FHIP1A: variants seen among roughly 807,000 people sequenced by gnomAD.
The protein encoded by FHIP1A is FHF complex subunit HOOK interacting protein 1A.
In FHIP1A, 61 loss-of-function variants were observed where a neutral mutation model predicts 88.6. The ratio of observed to expected loss-of-function variants is 0.69; its 90% confidence interval spans 0.56 to 0.85. FHIP1A has a LOEUF of 0.85. Among genes scored for constraint, FHIP1A ranks in the 40% least tolerant of loss-of-function variants. FHIP1A has a pLI of 0.00. For missense variants in FHIP1A, 1,154 were observed against 1,273.5 expected (o/e 0.91, Z 1.43); for synonymous variants, 478 against 496.0 (o/e 0.96, Z 0.48).
intron 2 of FHIP1A, among the ~76,000 whole-genome samples, chr4:151,475,995 G>C (rs534871381): frequency 6.6e-6 from 1 of 151,576 alleles, no homozygotes; most frequent in Non-Finnish European, 1.5e-5. Flanking sequence ...CTGAGTAGCC[G>C]GGACTACAGG....
intron 6 of FHIP1A, 47 bp downstream of exon 6, chr4:151,586,846 G>GAA: frequency 1.5e-6 from 2 of 1,357,862 alleles, no homozygotes; most frequent in Non-Finnish European, 2.0e-6. Context: ...TTCATTCAGA[G>GAA]CACAAGCACT....
chr4:151,634,205 TAACTG>T (rs931163531), intron 8 of FHIP1A, among the ~76,000 whole-genome samples: 33 of 151,884 alleles, frequency 2.2e-4, no homozygotes, highest in African/African-American at 7.9e-4. Context: ...GGAATAAACT[TAACTG>T]AGGAGGTGAA....
intron 1 of FHIP1A, among the ~76,000 whole-genome samples, chr4:151,444,834 A>G (rs1197728393): frequency 6.6e-6 from 1 of 152,228 alleles, no homozygotes; most frequent in Non-Finnish European, 1.5e-5. Context: ...TCTTTTTAAA[A>G]GAGGATTACA....
At chr4:151,509,004 G>A (rs1031817718) in intron 3 of FHIP1A, among the ~76,000 whole-genome samples, 1 of 152,124 alleles carries the variant, frequency 6.6e-6, no homozygotes, top group African/African-American at 2.4e-5. Context: ...TCTTTGAGCA[G>A]GTGTCAGACA....
intron 7 of FHIP1A, among the ~76,000 whole-genome samples, chr4:151,593,659 G>A (rs1734529794): frequency 2.0e-5 from 3 of 152,068 alleles, no homozygotes; most frequent in Admixed American, 2.0e-4. Flanking sequence ...GGAGATTTTT[G>A]GCTGAGATGA....
At chr4:151,477,724 A>G (rs984238393) in intron 2 of FHIP1A, among the ~76,000 whole-genome samples, 1 of 152,188 alleles carries the variant, frequency 6.6e-6, no homozygotes, top group Non-Finnish European at 1.5e-5. Flanking sequence ...GCTTTTAAAC[A>G]TATGGAAAGA....
chr4:151,489,480 G>A (rs1235439568), intron 3 of FHIP1A, among the ~76,000 whole-genome samples: 1 of 152,126 alleles, frequency 6.6e-6, no homozygotes, highest in African/African-American at 2.4e-5. Flanking sequence ...CAGGAAGCGC[G>A]GATAGGAGTG....
At chr4:151,431,567 T>C (rs1733593944) in intron 1 of FHIP1A, among the ~76,000 whole-genome samples, 1 of 152,144 alleles carries the variant, frequency 6.6e-6, no homozygotes, top group Admixed American at 6.5e-5. Flanking sequence ...AGTGCCACTT[T>C]GGGAAATTAT....
intron 3 of FHIP1A, among the ~76,000 whole-genome samples, chr4:151,563,933 C>T (rs2126767764): frequency 6.6e-6 from 1 of 151,968 alleles, no homozygotes; most frequent in Middle Eastern, 3.4e-3. Context: ...TTCAAGGCTG[C>T]AGTGAGCTAT....
chr4:151,640,799 A>G (rs1416433325), intron 9 of FHIP1A, among the ~76,000 whole-genome samples: 10 of 152,168 alleles, frequency 6.6e-5, no homozygotes, highest in Non-Finnish European at 4.4e-5. Flanking sequence ...AGTGGCCTTT[A>G]GAAGGTGAGT....
chr4:151,630,052 G>A (rs1056346514), intron 8 of FHIP1A, among the ~76,000 whole-genome samples, 183 bp downstream of exon 8: 3 of 151,776 alleles, frequency 2.0e-5, no homozygotes, highest in Admixed American at 1.3e-4. Context: ...ATGGAATAAT[G>A]CGTTTTGTTC....
intron 2 of FHIP1A, among the ~76,000 whole-genome samples, chr4:151,471,557 A>G (rs1052517842): frequency 1.2e-4 from 18 of 152,100 alleles, no homozygotes; most frequent in African/African-American, 3.9e-4. Context: ...CTTTTTAGAA[A>G]TGTTTGTTAG....
At position 151,450,107 on chromosome 4, in the gene FHIP1A, T is replaced by G. The variant is rs188029297; in HGVS notation, c.-355-4594T>G. On this transcript the variant is annotated intron_variant, in intron 1 of 13. Coordinates refer to ENST00000435205, the MANE Select transcript of FHIP1A (RefSeq NM_001109977.3). ...CACATTTCATAAAAGTTTAAAATGT[T>G]TAAGTTTGTTGACTGGTGATATGGA... 3.9e-5 allele frequency among the ~76,000 whole-genome samples: 6 copies of G among 152,314 alleles called. No homozygotes were observed. The East Asian group carries it at 1.2e-3, about 29-fold the overall frequency.
chr4:151,488,645 G>A (rs1730169993), intron 3 of FHIP1A, among the ~76,000 whole-genome samples: 1 of 152,122 alleles, frequency 6.6e-6, no homozygotes, highest in Admixed American at 6.5e-5. Flanking sequence ...ATTTTCCTTT[G>A]GGTATATACC....
In FHIP1A at chr4:151,611,831, A is replaced by G. The variant is rs146569124; in HGVS notation, c.979-17871A>G. On this transcript the variant is annotated intron_variant, in intron 7 of 13. Transcript: ENST00000435205. ...TCTATGTATAAGTGTTTTTCAGTAA[A>G]TGAATTAATAATATATCAGTTTTTC... 9.1e-3 allele frequency among the ~76,000 whole-genome samples: 1,383 copies of G among 152,316 alleles called. 22 individuals are homozygous for G. Among genetic ancestry groups the G allele is most frequent in the African/African-American group, 0.031 (1,289 of 41,560 alleles).
chr4:151,539,748 A>G (rs1261456610), intron 3 of FHIP1A, among the ~76,000 whole-genome samples: 2 of 152,026 alleles, frequency 1.3e-5, no homozygotes, highest in Non-Finnish European at 1.5e-5. Flanking sequence ...ATTTCCTCCC[A>G]CTGCTGAGTT....
chr4:151,496,314 A>G (rs554057801), intron 3 of FHIP1A, among the ~76,000 whole-genome samples: 1 of 151,970 alleles, frequency 6.6e-6, no homozygotes, highest in African/African-American at 2.4e-5. Flanking sequence ...CAAAAGCACC[A>G]CAAAGCTTAA....
At chr4:151,645,741 C>T (rs1245601961) in intron 9 of FHIP1A, among the ~76,000 whole-genome samples, 10 of 151,126 alleles carry the variant, frequency 6.6e-5, no homozygotes, top group Non-Finnish European at 1.2e-4. Context: ...GTTTTTTTTC[C>T]CTGTTAAGAA....
chr4:151,578,348 A>G (rs1733888083), intron 5 of FHIP1A, among the ~76,000 whole-genome samples: 1 of 152,174 alleles, frequency 6.6e-6, no homozygotes, highest in African/African-American at 2.4e-5. Flanking sequence ...GAATGATTTT[A>G]GTTGTTCCAG....
Sources: gnomAD v4.1 joint callset for allele counts (sites outside exome capture counted in the v4.1 genomes callset) on GRCh38, gnomAD v4.1.1 for gene constraint, MANE v1.5 for transcripts, NCBI Gene and HGNC (gene_info 2026-07-23, HGNC 2026-07-21) for gene names.